The following CLASP1 variants were observed in gnomAD, a reference collection of about 807,000 sequenced individuals.
CLASP1 encodes the protein CLIP-associating protein 1.
A neutral mutation model predicts 192.3 loss-of-function variants in CLASP1; 38 were observed. The ratio of observed to expected loss-of-function variants is 0.20; its 90% CI spans 0.15 to 0.26. CLASP1 has a LOEUF of 0.26. Among genes scored for constraint, CLASP1 ranks in the 10% least tolerant of loss-of-function variants. The pLI, the probability that CLASP1 is intolerant of heterozygous loss-of-function variation, is 1.00. For missense variants in CLASP1, 1,433 were observed against 1,932.5 expected, an observed-to-expected ratio of 0.74 and a Z score of 4.85; for synonymous variants, 691 against 712.8, an observed-to-expected ratio of 0.97 and a Z score of 0.49.
intron 29 of CLASP1, 90 bp from the exon 31 acceptor site, chr2:121,397,373 G>A (rs151289187): frequency 1.8e-6 from 2 of 1,089,074 alleles, no homozygotes; most frequent in East Asian, 5.0e-5. Flanking sequence ...AGTAAACCCT[G>A]GTGAGGGGGA....
chr2:121,502,525 A>G (rs977788472), intron 8 of CLASP1, among the ~76,000 whole-genome samples: 1 of 152,218 alleles, frequency 6.6e-6, no homozygotes, highest in Admixed American at 6.5e-5. Context: ...AAGGAATTAC[A>G]AGCACAGAGG....
intron 8 of CLASP1, among the ~76,000 whole-genome samples, chr2:121,476,814 C>A (rs565345142): frequency 6.6e-6 from 1 of 152,202 alleles, no homozygotes; most frequent in Non-Finnish European, 1.5e-5. Context: ...AGAAATGTGG[C>A]AGCCTACTAA....
chr2:121,599,916 CAAAAAAAAAA>C (rs749861641), intron 2 of CLASP1, among the ~76,000 whole-genome samples: 1 of 78,458 alleles, frequency 1.3e-5, no homozygotes, highest in Admixed American at 1.4e-4. Flanking sequence ...GAGACTCTGT[CAAAAAAAAAA>C]AAAAAAAAAA....
chr2:121,450,818 G>T, intron 16 of CLASP1, 95 bp downstream of exon 16: 1 of 842,490 alleles, frequency 1.2e-6, no homozygotes, highest in Non-Finnish European at 1.9e-6. Flanking sequence ...TAACAAATAT[G>T]TTCAAGTAAC....
chr2:121,630,299 T>C (rs2069260769), intron 1 of CLASP1, among the ~76,000 whole-genome samples: 1 of 151,978 alleles, frequency 6.6e-6, no homozygotes, highest in Admixed American at 6.6e-5. Flanking sequence ...AATCAAATTG[T>C]AATCCTGATA....
At chr2:121,512,849 C>T (rs532250016) in intron 7 of CLASP1, 4 of 152,238 alleles carry the variant, frequency 2.6e-5, no homozygotes, top group Non-Finnish European at 5.9e-5. Flanking sequence ...TCTCAACATA[C>T]TCTCTTGGTG....
intron 6 of CLASP1, among the ~76,000 whole-genome samples, chr2:121,517,828 TC>T (rs563125911): frequency 0.042 from 5,639 of 132,820 alleles, 146 homozygotes; most frequent in Middle Eastern, 0.11. Flanking sequence ...ACCACCACAC[TC>T]TAGCCTCAGA....
intron 8 of CLASP1, among the ~76,000 whole-genome samples, chr2:121,476,653 G>A (rs2091652609): frequency 6.6e-6 from 1 of 152,154 alleles, no homozygotes; most frequent in South Asian, 2.1e-4. Context: ...ATGGATAGAA[G>A]CCCAATGGGG....
intron 8 of CLASP1, among the ~76,000 whole-genome samples, chr2:121,492,674 TAA>T (rs200482614): frequency 0.046 from 5,637 of 123,874 alleles, 146 homozygotes; most frequent in East Asian, 0.16. Flanking sequence ...TTAAAAAAAA[TAA>T]AAAAAAAAAA....
intron 8 of CLASP1, among the ~76,000 whole-genome samples, chr2:121,490,845 T>C (rs958414344): frequency 6.6e-6 from 1 of 152,176 alleles, no homozygotes; most frequent in African/African-American, 2.4e-5. Context: ...TCCCAAACCT[T>C]GTAATATGCA....
At chr2:121,640,078 G>C (rs1034111620) in intron 1 of CLASP1, among the ~76,000 whole-genome samples, 7 of 152,100 alleles carry the variant, frequency 4.6e-5, no homozygotes, top group Admixed American at 1.3e-4. Flanking sequence ...TAGGGACACG[G>C]ATGAAGCTGG....
chr2:121,578,873 G>A (rs2060836091), intron 2 of CLASP1, among the ~76,000 whole-genome samples: 1 of 151,974 alleles, frequency 6.6e-6, no homozygotes, highest in Non-Finnish European at 1.5e-5. Flanking sequence ...ACTTCACTCT[G>A]TAAGTCTAAA....
chr2:121,448,862 T>A, intron 17 of CLASP1, 91 bp downstream of exon 17: 1 of 1,301,416 alleles, frequency 7.7e-7, no homozygotes, highest in Non-Finnish European at 1.1e-6. Context: ...CAAGCACCCA[T>A]GTAAAAACAT....
At chr2:121,371,805 T>C (rs1390498161) in intron 34 of CLASP1, among the ~76,000 whole-genome samples, 2 of 152,184 alleles carry the variant, frequency 1.3e-5, no homozygotes, top group Non-Finnish European at 2.9e-5. Flanking sequence ...TCATCTGCTC[T>C]CCTCCACTGT....
intron 37 of CLASP1, among the ~76,000 whole-genome samples, chr2:121,360,640 C>A (rs2066212402): frequency 1.3e-5 from 2 of 148,900 alleles, no homozygotes; most frequent in East Asian, 1.9e-4. Context: ...GAAAACCCAA[C>A]CTCAAACCTA....
chr2:121,630,574 TGAG>T (rs1446055824), intron 1 of CLASP1, among the ~76,000 whole-genome samples: 1 of 151,874 alleles, frequency 6.6e-6, no homozygotes, highest in African/African-American at 2.4e-5. Context: ...AAACAAGAAA[TGAG>T]AAGAGGCCGG....
At chr2:121,499,721 C>T (rs2093667419) in intron 8 of CLASP1, among the ~76,000 whole-genome samples, 1 of 151,996 alleles carries the variant, frequency 6.6e-6, no homozygotes, top group African/African-American at 2.4e-5. Flanking sequence ...CTTTCTTTAA[C>T]CTTCATGTGC....
rs753058200 is a variant in CLASP1 at position 121,367,863 on chromosome 2, G to A, written c.3643-32C>T. On this transcript the variant is annotated intron_variant, in intron 34 of 39. Transcript: ENST00000263710. ...CACAGCACACTGTCAGTTCCCTTCT[G>A]GGACTTGTAATGGACATTTCCTTTG... The A allele has an allele frequency of 1.6e-5, 26 of 1,605,686 alleles. No individual in the cohort carries two copies. In the South Asian group the frequency reaches 2.9e-4, roughly 18 times the overall value.
At chr2:121,623,872 T>A (rs973709767) in intron 1 of CLASP1, among the ~76,000 whole-genome samples, 6 of 152,168 alleles carry the variant, frequency 3.9e-5, no homozygotes, top group African/African-American at 1.4e-4. Context: ...GACCTTCTAT[T>A]TCTTTTTGAG....
Sources: gnomAD v4.1 joint callset for allele counts (sites outside exome capture counted in the v4.1 genomes callset) on GRCh38, gnomAD v4.1.1 for gene constraint, MANE v1.5 for transcripts, NCBI Gene and HGNC (gene_info 2026-07-23, HGNC 2026-07-21) for gene names.